ARMC9: variants seen among roughly 807,000 people sequenced by gnomAD.
The protein encoded by ARMC9 is lisH domain-containing protein ARMC9.
Under a neutral mutation model 107.0 loss-of-function variants are expected in ARMC9, and 94 were observed. The observed-to-expected ratio is 0.88, with a 90% CI of 0.74 to 1.04. The LOEUF (loss-of-function observed/expected upper bound fraction) is 1.04. ARMC9 is among the 50% of genes least tolerant of loss of function. The probability of loss-of-function intolerance (pLI) is 0.00; values close to 1 mark genes in which losing one functional copy is unlikely to be tolerated. For missense variants in ARMC9, 942 were observed against 1,030.1 expected (o/e 0.91, Z 1.17); for synonymous variants, 380 against 396.9 (o/e 0.96, Z 0.51).
rs978757518 is a variant in ARMC9 at position 231,340,934 on chromosome 2, G to T, written c.1879-4041G>T. ...AAAAACAAGTGTAGGGCTGGGCATGGTGGCTCGTGTGTAATCCCAGTGCTT... is the reference window on the plus strand; with the variant it reads ...AAAAACAAGTGTAGGGCTGGGCATGTTGGCTCGTGTGTAATCCCAGTGCTT... On this transcript the variant is annotated intron_variant, in intron 20 of 24. Transcript: ENST00000611582. Among the ~76,000 whole-genome samples, 12 of 151,812 alleles carry T rather than the reference G, an allele frequency of 7.9e-5. No individual in the cohort carries two copies. The East Asian group carries it at 1.2e-3, about 15-fold the overall frequency.
rs893706235 is a variant in ARMC9, at chr2:231,287,289, G to A, written c.1627-4064G>A. On this transcript the variant is annotated intron_variant, in intron 17 of 24. Coordinates refer to ENST00000611582, the MANE Select transcript of ARMC9 (RefSeq NM_001352754.2). The stretch of plus-strand genomic sequence containing the variant: ...CAACAGAATGATGTGTATTCCCCAC[G>A]CACCTGATCCTCCACATTGCCCACT... Among the ~76,000 whole-genome samples, 7 of 152,248 alleles carry A rather than the reference G, an allele frequency of 4.6e-5. No homozygotes were observed. The South Asian group carries it at 6.2e-4, about 14-fold the overall frequency.
chr2:231,274,679 C>G (rs577461230), intron 14 of ARMC9, among the ~76,000 whole-genome samples: 2 of 152,042 alleles, frequency 1.3e-5, no homozygotes, highest in South Asian at 2.1e-4. Context: ...TTTTTTCTGT[C>G]GGTCCTCTTC....
intron 21 of ARMC9, among the ~76,000 whole-genome samples, chr2:231,350,332 G>A (rs77760141): frequency 0.08 from 12,167 of 151,942 alleles, 1,442 homozygotes; most frequent in African/African-American, 0.26. Flanking sequence ...GGCCTTAAAA[G>A]TTGAAAATTA....
At chr2:231,298,842 G>A (rs1204257078) in intron 19 of ARMC9, among the ~76,000 whole-genome samples, 4 of 152,176 alleles carry the variant, frequency 2.6e-5, no homozygotes, top group Admixed American at 1.3e-4. Context: ...GCTGAGGCAC[G>A]AGAATCACCT....
chr2:231,301,684 A>G (rs2041735657), intron 19 of ARMC9, among the ~76,000 whole-genome samples: 1 of 152,036 alleles, frequency 6.6e-6, no homozygotes, highest in South Asian at 2.1e-4. Context: ...AATTTTTTTT[A>G]AGTTAAAGAT....
Position 231,256,317 on chromosome 2 carries a change from T to C in ARMC9, c.880-269T>C. ...CGGAGGTTGCGCTGAGCTTGCTTGC[T>C]CGCTGGGTCTTGGATGTCGGGTTCG... On this transcript the variant is annotated intron_variant, in intron 9 of 24. Transcript: ENST00000611582. 3.2e-6 allele frequency: 5 copies of C among 1,551,704 alleles called. No homozygotes were observed. In the East Asian group the frequency reaches 9.7e-5, roughly 30 times the overall value.
chr2:231,239,439 CCTGTCATGTGCTAGGCATAT>C (rs2036077932), intron 8 of ARMC9, among the ~76,000 whole-genome samples: 1 of 152,192 alleles, frequency 6.6e-6, no homozygotes, highest in Non-Finnish European at 1.5e-5. Flanking sequence ...GGCCAAGCCA[CCTGTCATGTGCTAGGCATAT>C]CTGTGACCTC....
At chr2:231,207,720 C>T (rs1421269265) in intron 2 of ARMC9, among the ~76,000 whole-genome samples, 20 of 151,990 alleles carry the variant, frequency 1.3e-4, no homozygotes, top group African/African-American at 4.8e-4. Flanking sequence ...GTGATCCACC[C>T]GCCTTGGCCT....
chr2:231,204,311 GC>G (rs1034676964), intron 1 of ARMC9, among the ~76,000 whole-genome samples: 6 of 151,818 alleles, frequency 4.0e-5, no homozygotes, highest in African/African-American at 1.5e-4. Context: ...CCTGGCCCCG[GC>G]CCCCCATTGC....
intron 20 of ARMC9, among the ~76,000 whole-genome samples, chr2:231,332,294 A>G (rs2043795350): frequency 6.6e-6 from 1 of 151,104 alleles, no homozygotes; most frequent in African/African-American, 2.4e-5. Context: ...ATCATAGCCC[A>G]TGAGGTTACC....
intron 11 of ARMC9, among the ~76,000 whole-genome samples, chr2:231,259,838 C>CA (rs537150206): frequency 1.1e-4 from 17 of 151,790 alleles, no homozygotes; most frequent in East Asian, 3.9e-4. Flanking sequence ...ACTAAAAATA[C>CA]AAAAAAAATT....
At chr2:231,363,841 A>G (rs1261677858) in intron 23 of ARMC9, among the ~76,000 whole-genome samples, 5 of 133,124 alleles carry the variant, frequency 3.8e-5, no homozygotes, top group Non-Finnish European at 7.7e-5. Context: ...CCGAGATCGC[A>G]CCACTGCACT....
chr2:231,313,959 T>C (rs2042508335), intron 19 of ARMC9, among the ~76,000 whole-genome samples: 1 of 148,738 alleles, frequency 6.7e-6, no homozygotes. Context: ...GGAATCCCAC[T>C]ATGTTGCCCA....
At position 231,214,966 on chromosome 2, in the gene ARMC9, G is replaced by T. The variant is rs1239538418; in HGVS notation, c.313G>T (p.Ala105Ser). The change falls in exon 4 of 25, where the codon GCC becomes TCC. Residue 105 changes from alanine to serine, a missense_variant. Ala to Ser is a moderately conservative substitution (Grantham distance 99, BLOSUM62 1). Coordinates refer to ENST00000611582, the MANE Select transcript of ARMC9 (RefSeq NM_001352754.2). The part of the protein sequence containing the change: ...KLEFYLHIHF[A>S]IYLLKYSVGR... ...GGAATTCTATCTCCACATCCATTTT[G>T]CCATCTATCTTTTGAAGTACTCTGT... 6.2e-7 allele frequency: 1 copy of T among 1,613,982 alleles called. No homozygotes were observed. The highest frequency in any genetic ancestry group is 8.5e-7 in the Non-Finnish European group (1 of 1,180,012).
In ARMC9 at chr2:231,368,883, A is replaced by C. The variant is rs576602667; in HGVS notation, c.2262-1070A>C. Among the ~76,000 whole-genome samples, 6 of 152,292 alleles carry C rather than the reference A, an allele frequency of 3.9e-5. No individual in the cohort carries two copies. In the South Asian group the frequency reaches 1.2e-3, roughly 32 times the overall value. ...TGTGATCTGCCCACTTTGGCCTCCC[A>C]AAGTGCTGGGATTACAGGCATGAGC... On this transcript the variant is annotated intron_variant, in intron 23 of 24. Coordinates refer to ENST00000611582, the MANE Select transcript of ARMC9 (RefSeq NM_001352754.2).
chr2:231,216,925 T>C (rs946070864), intron 5 of ARMC9, 132 bp downstream of exon 5: 4 of 1,164,074 alleles, frequency 3.4e-6, no homozygotes, highest in African/African-American at 3.1e-5. Context: ...TTTTTAGTTA[T>C]AACCATAATT....
chr2:231,336,524 G>A (rs896342221), intron 20 of ARMC9, among the ~76,000 whole-genome samples: 6 of 152,210 alleles, frequency 3.9e-5, no homozygotes, highest in Non-Finnish European at 1.5e-5. Context: ...TGCAAGTTGA[G>A]AGAGCTGCGA....
chr2:231,375,458 A>T lies in ARMC9; in HGVS notation c.*3923A>T, dbSNP rs933669287. On this transcript the variant is annotated 3_prime_UTR_variant, in exon 25 of 25. Transcript: ENST00000611582. This position sits in a 1 kb window ranked among gnomAD's most constrained non-coding sequence, Gnocchi z 4.3. ...AATACTGCTGCAAGCTACCACATAG[A>T]TGCTGTTCAGAGCTTTGCAGGACCA... is the stretch of plus-strand genomic sequence containing the variant. 1.3e-5 allele frequency among the ~76,000 whole-genome samples: 2 copies of T among 152,212 alleles called. No individual in the cohort carries two copies. The highest frequency in any genetic ancestry group is 4.8e-5 in the African/African-American group (2 of 41,454).
intron 18 of ARMC9, chr2:231,295,705 G>C (rs62197351): frequency 6.6e-6 from 1 of 152,508 alleles, no homozygotes; most frequent in South Asian, 2.1e-4. Context: ...CACCCATACC[G>C]CCCGTGGAAA....
Sources: gnomAD v4.1 joint callset for allele counts (sites outside exome capture counted in the v4.1 genomes callset) on GRCh38, gnomAD v4.1.1 for gene constraint, Gnocchi (gnomAD v3.1) non-coding constraint, MANE v1.5 for transcripts, NCBI Gene and HGNC (gene_info 2026-07-23, HGNC 2026-07-21) for gene names.